The following KIAA1958 variants were observed in gnomAD, a reference collection of about 807,000 sequenced individuals.
KIAA1958 encodes uncharacterized protein KIAA1958.
KIAA1958 carries 14 observed loss-of-function variants against 47.2 expected under a neutral mutation model. The ratio of observed to expected loss-of-function variants is 0.30; its 90% CI spans 0.20 to 0.46. The LOEUF is 0.46. Ranked by LOEUF, KIAA1958 falls within the 20% of genes least tolerant of loss-of-function variation. KIAA1958 has a pLI of 1.00. For missense variants in KIAA1958, 803 were observed against 909.2 expected, an observed-to-expected ratio of 0.88 and a Z score of 1.50; for synonymous variants, 354 against 353.3, an observed-to-expected ratio of 1.00 and a Z score of -0.02.
intron 2 of KIAA1958, among the ~76,000 whole-genome samples, chr9:112,640,331 C>T (rs948075303): frequency 6.6e-6 from 1 of 152,174 alleles, no homozygotes. Flanking sequence ...GGAAGGCCCC[C>T]ACCTGAATTA....
intron 2 of KIAA1958, among the ~76,000 whole-genome samples, chr9:112,645,242 T>C (rs562393368): frequency 1.3e-5 from 2 of 152,370 alleles, no homozygotes; most frequent in South Asian, 2.1e-4. Flanking sequence ...CTTCATGTGC[T>C]AAGGGTATAT....
intron 2 of KIAA1958, among the ~76,000 whole-genome samples, chr9:112,584,159 C>T (rs1299333): frequency 0.27 from 40,720 of 152,074 alleles, 5,462 homozygotes; most frequent in Middle Eastern, 0.4. Context: ...CACACAACAG[C>T]CTGGATTCAT....
intron 3 of KIAA1958, among the ~76,000 whole-genome samples, chr9:112,653,726 C>G (rs952591459): frequency 1.3e-5 from 2 of 152,094 alleles, no homozygotes; most frequent in African/African-American, 4.8e-5. Context: ...ATGTTGAAAC[C>G]CCGTCTCTAC....
chr9:112,657,651 G>A (rs1185591476), intron 3 of KIAA1958, among the ~76,000 whole-genome samples: 12 of 151,696 alleles, frequency 7.9e-5, no homozygotes, highest in Non-Finnish European at 1.5e-5. Context: ...GTGTCTACTT[G>A]ATAAAAAAAA....
At chr9:112,555,003 G>T (rs897161117) in intron 1 of KIAA1958, among the ~76,000 whole-genome samples, 1 of 152,206 alleles carries the variant, frequency 6.6e-6, no homozygotes, top group Non-Finnish European at 1.5e-5. Flanking sequence ...CAAAAATACT[G>T]CAAGAAGGGA....
At position 112,618,590 on chromosome 9, in the gene KIAA1958, A is replaced by G; in HGVS notation, c.1172-27060A>G. ...GTATGCCCAGCGGCGGCCTCCCGCC[A>G]TGCGCTACGAGGATGCCCCTTTCTA... is the stretch of plus-strand genomic sequence containing the variant. On this transcript the variant is annotated intron_variant, in intron 2 of 3. Transcript: ENST00000337530. The surrounding 1 kb of genome is among the most constrained non-coding windows in gnomAD (Gnocchi z 7.1). 3.2e-6 allele frequency: 5 copies of G among 1,550,664 alleles called. No homozygotes were observed. Among genetic ancestry groups the G allele is most frequent in the Non-Finnish European group, 3.5e-6 (4 of 1,147,006 alleles).
At chr9:112,544,777 G>A (rs1564166529) in intron 1 of KIAA1958, among the ~76,000 whole-genome samples, 1 of 152,166 alleles carries the variant, frequency 6.6e-6, no homozygotes, top group Non-Finnish European at 1.5e-5. Context: ...GCTGACCAAG[G>A]AAATGTAGAG....
At chr9:112,522,380 C>A (rs1679666727) in intron 1 of KIAA1958, among the ~76,000 whole-genome samples, 1 of 152,170 alleles carries the variant, frequency 6.6e-6, no homozygotes, top group Non-Finnish European at 1.5e-5. Flanking sequence ...GCCTAATACT[C>A]CAGCAATAGT....
chr9:112,585,488 G>A (rs1835808857), intron 2 of KIAA1958, among the ~76,000 whole-genome samples: 1 of 152,218 alleles, frequency 6.6e-6, no homozygotes, highest in African/African-American at 2.4e-5. Flanking sequence ...AAAGCCACCT[G>A]TGAAAGGCTG....
At chr9:112,624,605 C>T (rs758602496) in intron 2 of KIAA1958, among the ~76,000 whole-genome samples, 3 of 152,142 alleles carry the variant, frequency 2.0e-5, no homozygotes, top group Non-Finnish European at 4.4e-5. Flanking sequence ...AAAAGGAAGA[C>T]ATTTAAAATT....
At chr9:112,658,550 T>C (rs902000634) in intron 3 of KIAA1958, among the ~76,000 whole-genome samples, 1 of 152,210 alleles carries the variant, frequency 6.6e-6, no homozygotes, top group South Asian at 2.1e-4. Context: ...CACACATGTA[T>C]ATATGTGTAT....
chr9:112,490,055 C>T (rs74973260), intron 1 of KIAA1958, among the ~76,000 whole-genome samples: 1 of 152,162 alleles, frequency 6.6e-6, no homozygotes, highest in East Asian at 1.9e-4. Context: ...TGGACAGTGA[C>T]CTCTCATTCC....
At chr9:112,652,445 G>C (rs1316019396) in intron 3 of KIAA1958, among the ~76,000 whole-genome samples, 1 of 152,154 alleles carries the variant, frequency 6.6e-6, no homozygotes, top group African/African-American at 2.4e-5. Flanking sequence ...ACTGTTTCTT[G>C]TGTGCAAACA....
chr9:112,521,858 A>G (rs1488662048), intron 1 of KIAA1958, among the ~76,000 whole-genome samples: 1 of 152,248 alleles, frequency 6.6e-6, no homozygotes, highest in African/African-American at 2.4e-5. Context: ...AGTGCATTAG[A>G]CTGATTACTG....
At chr9:112,516,372 A>G (rs551387543) in intron 1 of KIAA1958, among the ~76,000 whole-genome samples, 2 of 152,180 alleles carry the variant, frequency 1.3e-5, no homozygotes, top group South Asian at 2.1e-4. Flanking sequence ...CATCAAAAAC[A>G]TTAACTATTT....
chr9:112,597,239 A>G (rs542731186), intron 2 of KIAA1958, among the ~76,000 whole-genome samples: 27 of 152,320 alleles, frequency 1.8e-4, no homozygotes, highest in African/African-American at 6.0e-4. Flanking sequence ...TACTACATGC[A>G]AAATAGCAAT....
At chr9:112,534,638 G>C (rs1040197022) in intron 1 of KIAA1958, among the ~76,000 whole-genome samples, 1 of 151,786 alleles carries the variant, frequency 6.6e-6, no homozygotes, top group Non-Finnish European at 1.5e-5. Context: ...CCGCCTCCCG[G>C]GTTCAAGCGA....
intron 1 of KIAA1958, among the ~76,000 whole-genome samples, chr9:112,556,983 GTTTTGT>G (rs1322381692): frequency 6.6e-6 from 1 of 152,082 alleles, no homozygotes; most frequent in Admixed American, 6.6e-5. Flanking sequence ...TTCATTCAGT[GTTTTGT>G]TTTTGTTTTT....
intron 1 of KIAA1958, among the ~76,000 whole-genome samples, chr9:112,552,048 TTGAA>T (rs1169300770): frequency 1.3e-5 from 2 of 152,206 alleles, no homozygotes; most frequent in Admixed American, 6.5e-5. Context: ...GGTGGGTAGT[TTGAA>T]TGGGGACTGG....
Sources: gnomAD v4.1 joint callset for allele counts (sites outside exome capture counted in the v4.1 genomes callset) on GRCh38, gnomAD v4.1.1 for gene constraint, Gnocchi (gnomAD v3.1) non-coding constraint, MANE v1.5 for transcripts, NCBI Gene and HGNC (gene_info 2026-07-23, HGNC 2026-07-21) for gene names.